The following LMX1B variants were observed in gnomAD, a reference collection of about 807,000 sequenced individuals.
The protein encoded by LMX1B is LIM homeobox transcription factor 1 beta, also known as LIM homeobox transcription factor 1-beta.
LMX1B carries 12 observed loss-of-function variants against 51.4 expected under a neutral mutation model. The observed-to-expected ratio is 0.23, with a 90% confidence interval of 0.15 to 0.38. LMX1B has a LOEUF of 0.38. Among genes scored for constraint, LMX1B ranks in the 10% least tolerant of loss-of-function variants. The probability of loss-of-function intolerance (pLI) is 1.00; values close to 1 mark genes in which losing one functional copy is unlikely to be tolerated. For synonymous variants in LMX1B, 237 were observed against 235.4 expected, an observed-to-expected ratio of 1.01 and a Z score of -0.06; for missense variants, 445 against 571.1, an observed-to-expected ratio of 0.78 and a Z score of 2.25.
intron 2 of LMX1B, among the ~76,000 whole-genome samples, chr9:126,672,955 C>T (rs191055118): frequency 4.8e-4 from 73 of 152,342 alleles, no homozygotes; most frequent in African/African-American, 1.7e-3. Flanking sequence ...TTGGTCAGAA[C>T]GGTGCGCCTC....
chr9:126,653,954 C>T (rs976964460), intron 2 of LMX1B, among the ~76,000 whole-genome samples: 9 of 152,150 alleles, frequency 5.9e-5, no homozygotes, highest in Non-Finnish European at 1.0e-4. Context: ...CTGGAACTCT[C>T]CCCTTCTCTC....
intron 2 of LMX1B, among the ~76,000 whole-genome samples, chr9:126,649,227 T>C (rs1835959035): frequency 6.6e-6 from 1 of 151,910 alleles, no homozygotes; most frequent in East Asian, 1.9e-4. Context: ...AACCTCTTCC[T>C]GGCCTCCCTG....
At chr9:126,652,218 T>C (rs1200045687) in intron 2 of LMX1B, among the ~76,000 whole-genome samples, 1 of 141,508 alleles carries the variant, frequency 7.1e-6, no homozygotes, top group Non-Finnish European at 1.5e-5. Flanking sequence ...GAGGCATGAT[T>C]GAGAGGGGGC....
At position 126,677,008 on chromosome 9, in the gene LMX1B, C is replaced by T. The variant is rs1267830515; in HGVS notation, c.327-13828C>T. Among the ~76,000 whole-genome samples, 1 of 152,164 alleles carries T rather than the reference C, an allele frequency of 6.6e-6. No individual in the cohort carries two copies. The highest frequency in any genetic ancestry group is 1.5e-5 in the Non-Finnish European group (1 of 68,032). ...TACTATGCTAATGCGGCCGGGCGGGCGGTGATTAAGCGGCTCAGGCAGGCA... is the reference window on the plus strand; with the variant it reads ...TACTATGCTAATGCGGCCGGGCGGGTGGTGATTAAGCGGCTCAGGCAGGCA... On this transcript the variant is annotated intron_variant, in intron 2 of 7. Transcript: ENST00000373474. The surrounding 1 kb of genome is among the most constrained non-coding windows in gnomAD (Gnocchi z 5.0).
chr9:126,623,619 C>T (rs1835459734), intron 2 of LMX1B, among the ~76,000 whole-genome samples: 1 of 152,322 alleles, frequency 6.6e-6, no homozygotes, highest in South Asian at 2.1e-4. Context: ...CGGATGGGTT[C>T]TCTAAGTCCT....
In LMX1B at chr9:126,614,333, C is replaced by A; in HGVS notation, c.-117C>A. 2 of 680,876 alleles carry A rather than the reference C, an allele frequency of 2.9e-6. No homozygotes were observed. The highest frequency in any genetic ancestry group is 3.7e-6 in the Non-Finnish European group (2 of 547,190). The allele number at this position is 680,876 out of a possible 1,614,324, so 42.2% of individuals were successfully genotyped here. On this transcript the variant is annotated 5_prime_UTR_variant, in exon 1 of 8. Coordinates refer to ENST00000373474, the MANE Select transcript of LMX1B (RefSeq NM_001174147.2). ...CACGATCGCCGGGGGCCGGCGCAAC[C>A]CCTGCCCTGCGGGGGCCGCGCCTCC...
chr9:126,688,434 A>G (rs1221820403), intron 2 of LMX1B, among the ~76,000 whole-genome samples: 1 of 152,198 alleles, frequency 6.6e-6, no homozygotes, highest in Non-Finnish European at 1.5e-5. Flanking sequence ...CGACACGGCC[A>G]GTGTCTGTCC....
At chr9:126,663,276 G>T (rs1468026292) in intron 2 of LMX1B, among the ~76,000 whole-genome samples, 1 of 151,796 alleles carries the variant, frequency 6.6e-6, no homozygotes, top group Non-Finnish European at 1.5e-5. Context: ...AAAATACAAA[G>T]AATTAGCCAG....
At chr9:126,617,257 C>G (rs1282450002) in intron 2 of LMX1B, among the ~76,000 whole-genome samples, 1 of 151,968 alleles carries the variant, frequency 6.6e-6, no homozygotes, top group East Asian at 1.9e-4. Flanking sequence ...CCCCTGGCCT[C>G]ACTCTGCTTG....
chr9:126,672,804 T>C (rs1348375960), intron 2 of LMX1B, among the ~76,000 whole-genome samples: 1 of 152,168 alleles, frequency 6.6e-6, no homozygotes, highest in Non-Finnish European at 1.5e-5. Context: ...CTGCACCATG[T>C]CCTGGCCAGC....
intron 2 of LMX1B, among the ~76,000 whole-genome samples, chr9:126,616,340 G>A (rs909974794): frequency 6.6e-6 from 1 of 152,230 alleles, no homozygotes; most frequent in Non-Finnish European, 1.5e-5. Flanking sequence ...TCAGGGCTGA[G>A]GCCAGAGATG....
chr9:126,685,973 G>C (rs1407763280), intron 2 of LMX1B, among the ~76,000 whole-genome samples: 1 of 152,130 alleles, frequency 6.6e-6, no homozygotes, highest in Non-Finnish European at 1.5e-5. Flanking sequence ...AGACCTGCTT[G>C]GAGAAGCTGG....
chr9:126,669,201 T>C (rs913431655), intron 2 of LMX1B, among the ~76,000 whole-genome samples: 2 of 152,018 alleles, frequency 1.3e-5, no homozygotes, highest in East Asian at 1.9e-4. Flanking sequence ...TGAGAGGGCA[T>C]GGACTGCCTG....
chr9:126,694,330 G>T (rs2030252406), intron 6 of LMX1B, among the ~76,000 whole-genome samples: 1 of 152,170 alleles, frequency 6.6e-6, no homozygotes, highest in African/African-American at 2.4e-5. Flanking sequence ...GGCAAAGCTG[G>T]ACCTCAGCCC....
chr9:126,669,334 G>A (rs753463488), intron 2 of LMX1B, among the ~76,000 whole-genome samples: 14 of 152,290 alleles, frequency 9.2e-5, no homozygotes, highest in Admixed American at 6.5e-4. Flanking sequence ...TCTGTGAGTC[G>A]GGAGCCCTGG....
At position 126,614,325 on chromosome 9, in the gene LMX1B, G is replaced by T; in HGVS notation, c.-125G>T. 1 of 586,918 alleles carries T rather than the reference G, an allele frequency of 1.7e-6. No homozygotes were observed. Among genetic ancestry groups the T allele is most frequent in the South Asian group, 7.2e-5 (1 of 13,948 alleles). The allele number at this position is 586,918 out of a possible 1,614,324, so 36.4% of individuals were successfully genotyped here. A position where few individuals can be genotyped will look rare whatever the true frequency, so the allele number is the denominator to read the frequency against. On this transcript the variant is annotated 5_prime_UTR_variant, in exon 1 of 8. Transcript: ENST00000373474. ...CGCCGCTCCACGATCGCCGGGGGCC[G>T]GCGCAACCCCTGCCCTGCGGGGGCC...
intron 2 of LMX1B, among the ~76,000 whole-genome samples, chr9:126,657,626 G>C (rs1057388481): frequency 5.3e-5 from 8 of 152,224 alleles, no homozygotes; most frequent in African/African-American, 1.9e-4. Context: ...ATTTCCACAG[G>C]GGCACGCATG....
chr9:126,690,563 G>A lies in LMX1B; in HGVS notation c.327-273G>A, dbSNP rs112719988. Among the ~76,000 whole-genome samples, 2,291 of 152,334 alleles carry A rather than the reference G, an allele frequency of 0.015. 70 individuals are homozygous for A. Among genetic ancestry groups the A allele is most frequent in the African/African-American group, 0.052 (2,183 of 41,584 alleles). On this transcript the variant is annotated intron_variant, in intron 2 of 7. Coordinates refer to ENST00000373474, the MANE Select transcript of LMX1B (RefSeq NM_001174147.2). ...TCCACACTGCCCTCTTGTGGCCACC[G>A]TGTCTCTGAGCTGGAAGGGCCCTGA...
At position 126,645,801 on chromosome 9, in the gene LMX1B, C is replaced by G. The variant is rs74780173; in HGVS notation, c.326+30232C>G. Among the ~76,000 whole-genome samples the G allele has an allele frequency of 9.5e-3, 1,442 of 152,188 alleles. 23 individuals are homozygous for G. Among genetic ancestry groups the G allele is most frequent in the East Asian group, 0.037 (191 of 5,170 alleles). ...ATGTTTAAGAGTTGGAGTTGACTCTCGAGTCCAAAGGGAGCCACAGGGGAT... is the reference window on the plus strand; with the variant it reads ...ATGTTTAAGAGTTGGAGTTGACTCTGGAGTCCAAAGGGAGCCACAGGGGAT... On this transcript the variant is annotated intron_variant, in intron 2 of 7. Transcript: ENST00000373474.
Sources: allele counts gnomAD v4.1 joint callset (sites outside exome capture counted in the v4.1 genomes callset), GRCh38; gene constraint gnomAD v4.1.1; non-coding constraint Gnocchi (gnomAD v3.1); transcripts MANE v1.5; gene names NCBI Gene and HGNC (gene_info 2026-07-23, HGNC 2026-07-21).